DCST2: variants seen among roughly 807,000 people sequenced by gnomAD.
The protein encoded by DCST2 is DC-STAMP domain containing 2, also known as DC-STAMP domain-containing protein 2.
Under a neutral mutation model 81.8 loss-of-function variants are expected in DCST2, and 64 were observed. The observed-to-expected ratio is 0.78, with a 90% CI of 0.64 to 0.96. The LOEUF is 0.96. Ranked by LOEUF, DCST2 falls within the 40% of genes least tolerant of loss-of-function variation. DCST2 has a pLI of 0.00. For missense variants in DCST2, 945 were observed against 1,001.4 expected (o/e 0.94, Z 0.76); for synonymous variants, 354 against 402.6 (o/e 0.88, Z 1.44).
chr1:155,033,582 G>A lies in DCST2; in HGVS notation c.120C>T (p.Tyr40=), dbSNP rs202058531. Residue 40 remains tyrosine (Y), a synonymous_variant, in exon 1 of 15, where the codon TAC becomes TAT. Coordinates refer to ENST00000368424, the MANE Select transcript of DCST2 (RefSeq NM_144622.3). ...FTLGLSLATA[Y]GLLELLVEGH... ...CTTCCACCAGTAGCTCCAGAAGCCC[G>A]TAGGCCGTGGCTAAAGACAAGCCCA... 32 of 1,614,152 alleles carry A rather than the reference G, an allele frequency of 2.0e-5. No individual in the cohort carries two copies. The highest frequency in any genetic ancestry group is 8.0e-5 in the African/African-American group (6 of 75,026).
rs769816556 is a variant in DCST2 at position 155,018,705 on chromosome 1, G to C, written c.2161C>G (p.Pro721Ala). ...QQRKHGQQPL[P>A]EAHQPVSILT... ...ATGCTGACAGGCTGATGGGCTTCAGGTAAGGGCTGCTGCCCGTGCTTCCTC... is the reference window on the plus strand; with the variant it reads ...ATGCTGACAGGCTGATGGGCTTCAGCTAAGGGCTGCTGCCCGTGCTTCCTC... Residue 721 changes from proline to alanine, a missense_variant, in exon 15 of 15, where the codon CCT (proline) becomes GCT (alanine). By Grantham distance (27) the Pro-to-Ala change is conservative. Coordinates refer to ENST00000368424, the MANE Select transcript of DCST2 (RefSeq NM_144622.3). 1 of 1,613,942 alleles carries C rather than the reference G, an allele frequency of 6.2e-7. No individual in the cohort carries two copies.
At position 155,030,545 on chromosome 1, in the gene DCST2, G is replaced by A; in HGVS notation, c.906C>T (p.Ser302=). 6.2e-7 allele frequency: 1 copy of A among 1,614,128 alleles called. No homozygotes were observed. The highest frequency in any genetic ancestry group is 8.5e-7 in the Non-Finnish European group (1 of 1,180,024). The change falls in exon 6 of 15, where the codon TCC becomes TCT. Residue 302 remains serine, a synonymous_variant. Transcript: ENST00000368424. ...SVDLNASRSL[S]QVAMDLHEAV... is the part of the protein sequence containing the mutation. ...CCTCGTGGAGGTCCATGGCTACCTG[G>A]GACAGGCTCCGAGAGGCATTGAGAT...
Position 155,033,761 on chromosome 1 carries a change from T to G in DCST2, c.-60A>C. On this transcript the variant is annotated 5_prime_UTR_variant, in exon 1 of 15. Transcript: ENST00000368424. The stretch of plus-strand genomic sequence containing the variant: ...AGATGCCCGCTGACTTCTGTGCTCC[T>G]GGAATTTCTCACCGTATTCTAAGGT... 6.4e-7 allele frequency: 1 copy of G among 1,573,592 alleles called. No homozygotes were observed. Among genetic ancestry groups the G allele is most frequent in the Non-Finnish European group, 8.6e-7 (1 of 1,159,972 alleles).
At chr1:155,029,100 A>G (rs1659994295) in intron 8 of DCST2, 133 bp downstream of exon 8, 1 of 1,064,158 alleles carries the variant, frequency 9.4e-7, no homozygotes, top group Non-Finnish European at 1.4e-6. Context: ...TAACAGTGAC[A>G]TGGGGACATT....
At chr1:155,032,167 G>A (rs1660111099) in intron 3 of DCST2, among the ~76,000 whole-genome samples, 1 of 151,822 alleles carries the variant, frequency 6.6e-6, no homozygotes, top group Admixed American at 6.6e-5. Context: ...CTAACTTTTT[G>A]TATTTTTAGT....
chr1:155,021,764 C>T (rs747479988), intron 14 of DCST2, among the ~76,000 whole-genome samples: 2 of 151,922 alleles, frequency 1.3e-5, no homozygotes, highest in African/African-American at 2.4e-5. Flanking sequence ...CTCAGCACTT[C>T]AGTACTGAGG....
intron 14 of DCST2, among the ~76,000 whole-genome samples, chr1:155,020,994 T>G (rs1659737587): frequency 2.6e-5 from 4 of 151,778 alleles, no homozygotes; most frequent in Admixed American, 2.0e-4. Context: ...AGCTAATTTT[T>G]GTATTATTAC....
intron 10 of DCST2, among the ~76,000 whole-genome samples, chr1:155,025,834 C>T (rs187628562): frequency 2.0e-5 from 3 of 152,160 alleles, no homozygotes; most frequent in East Asian, 3.9e-4. Flanking sequence ...TACAGGCACA[C>T]ACCACCATGC....
chr1:155,028,506 C>T (rs1659974882), intron 8 of DCST2, among the ~76,000 whole-genome samples: 1 of 151,406 alleles, frequency 6.6e-6, no homozygotes, highest in Non-Finnish European at 1.5e-5. Flanking sequence ...ATTGCTTGAA[C>T]CCGGGAGGCA....
At chr1:155,021,519 C>A (rs191993604) in intron 14 of DCST2, among the ~76,000 whole-genome samples, 1 of 151,820 alleles carries the variant, frequency 6.6e-6, no homozygotes, top group Non-Finnish European at 1.5e-5. Flanking sequence ...CTGCCATGCC[C>A]TCTGCCAGGA....
In DCST2 at chr1:155,023,354, A is replaced by G; in HGVS notation, c.1964+10T>C. On this transcript the variant is annotated intron_variant, in intron 13 of 14. Coordinates refer to ENST00000368424, the MANE Select transcript of DCST2 (RefSeq NM_144622.3). ...AGACTCCAGCCACCCCATGTCACTG[A>G]AAGACTCACAGCTCCAGGTCCAGGT... 3 of 1,609,316 alleles carry G rather than the reference A, an allele frequency of 1.9e-6. No individual in the cohort carries two copies. Among genetic ancestry groups the G allele is most frequent in the Non-Finnish European group, 2.5e-6 (3 of 1,177,796 alleles).
chr1:155,027,554 CTTTTTTTTTTT>C (rs779621299), intron 8 of DCST2, among the ~76,000 whole-genome samples: 4 of 64,020 alleles, frequency 6.2e-5, no homozygotes, highest in Non-Finnish European at 8.5e-5. Flanking sequence ...TTTTTTACTT[CTTTTTTTTTTT>C]TTTTTTTTTT....
chr1:155,023,595 G>A, intron 12 of DCST2, 138 bp from the exon 13 acceptor site: 1 of 1,546,178 alleles, frequency 6.5e-7, no homozygotes. Flanking sequence ...CTAGGGAGCT[G>A]CTGCAATGCC....
chr1:155,021,225 T>C (rs909913814), intron 14 of DCST2, among the ~76,000 whole-genome samples: 6 of 152,004 alleles, frequency 3.9e-5, no homozygotes, highest in Non-Finnish European at 8.8e-5. Flanking sequence ...GGTCTCGAAC[T>C]CCTGACCTTA....
In DCST2 at chr1:155,026,654, G is replaced by C. The variant is rs779656157; in HGVS notation, c.1404C>G (p.Asp468Glu). 6.8e-6 allele frequency: 11 copies of C among 1,614,082 alleles called. No homozygotes were observed. Among genetic ancestry groups the C allele is most frequent in the Middle Eastern group, 1.6e-4 (1 of 6,084 alleles). ...GTGYAGNIYR[D>E]LVSAFDVLQQ... ...GCAGGACATCAAATGCTGACACCAG[G>C]TCACGATAAATATTCCCAGCGTAGC... Residue 468 changes from aspartate (D) to glutamate (E), a missense_variant, in exon 9 of 15, where the codon GAC becomes GAG. By Grantham distance (45) the Asp-to-Glu change is conservative. Coordinates refer to ENST00000368424, the MANE Select transcript of DCST2 (RefSeq NM_144622.3).
At chr1:155,032,281 C>G (rs796187468) in intron 3 of DCST2, among the ~76,000 whole-genome samples, 1 of 151,628 alleles carries the variant, frequency 6.6e-6, no homozygotes, top group African/African-American at 2.4e-5. Flanking sequence ...TGTGAGCCAC[C>G]GCACCTGGCC....
At chr1:155,029,423 G>A in intron 7 of DCST2, 26 bp from the exon 8 acceptor site, 1 of 1,609,662 alleles carries the variant, frequency 6.2e-7, no homozygotes, top group Non-Finnish European at 8.5e-7. Flanking sequence ...ATGGTCAGGA[G>A]GATGCTCCCC....
chr1:155,030,493 G>C lies in DCST2; in HGVS notation c.958C>G (p.Arg320Gly). The change falls in exon 6 of 15, where the codon CGA becomes GGA. Residue 320 changes from arginine (R) to glycine (G), a missense_variant. Physicochemically the swap from Arg to Gly is moderately radical, Grantham distance 125 (BLOSUM62 -2). Coordinates refer to ENST00000368424, the MANE Select transcript of DCST2 (RefSeq NM_144622.3). ...EAVSMKLHRV[R>G]EALALMGFTT... ...AAGCCCATCAGAGCCAGGGCCTCTC[G>C]GACACGGTGCAGCTTCATGCTGACA... The C allele has an allele frequency of 1.2e-6, 2 of 1,614,034 alleles. No individual in the cohort carries two copies. Among genetic ancestry groups the C allele is most frequent in the South Asian group, 2.2e-5 (2 of 91,076 alleles).
chr1:155,023,450 G>A lies in DCST2; in HGVS notation c.1878C>T (p.Tyr626=), dbSNP rs762916546. 1.3e-6 allele frequency: 2 copies of A among 1,593,600 alleles called. No homozygotes were observed. Among genetic ancestry groups the A allele is most frequent in the South Asian group, 1.1e-5 (1 of 88,036 alleles). Reference sequence around the variant, plus strand: ...CCAGGAGGCGGAAGCAAGTGAGGCAGTAGAGACCTGGTGGAGGCCATGGGG... The same window carrying A: ...CCAGGAGGCGGAAGCAAGTGAGGCAATAGAGACCTGGTGGAGGCCATGGGG... ...SCSTPGCQGL[Y]CLTCFRLLDN... is the part of the protein sequence containing the mutation. Residue 626 remains tyrosine, a synonymous_variant, in exon 13 of 15, where the codon TAC becomes TAT. Coordinates refer to ENST00000368424, the MANE Select transcript of DCST2 (RefSeq NM_144622.3).
Sources: gnomAD v4.1 joint callset for allele counts (sites outside exome capture counted in the v4.1 genomes callset) on GRCh38, gnomAD v4.1.1 for gene constraint, MANE v1.5 for transcripts, NCBI Gene and HGNC (gene_info 2026-07-23, HGNC 2026-07-21) for gene names.